The following ZMYM5 variants were observed in gnomAD, a reference collection of about 807,000 sequenced individuals.
ZMYM5 encodes zinc finger MYM-type containing 5, also known as zinc finger MYM-type protein 5.
Under a neutral mutation model 61.8 loss-of-function variants are expected in ZMYM5, and 41 were observed. The ratio of observed to expected loss-of-function variants is 0.66; its 90% CI spans 0.52 to 0.86. The LOEUF is 0.86. Among genes scored for constraint, ZMYM5 ranks in the 40% least tolerant of loss-of-function variants. The pLI is 0.00. For missense variants in ZMYM5, 706 were observed against 786.7 expected (o/e 0.90, Z 1.23); for synonymous variants, 257 against 276.4 (o/e 0.93, Z 0.70).
At chr13:19,838,321 T>G (rs1463575259) in intron 5 of ZMYM5, among the ~76,000 whole-genome samples, 2 of 152,180 alleles carry the variant, frequency 1.3e-5, no homozygotes, top group Non-Finnish European at 2.9e-5. Context: ...GAAGTTGCAG[T>G]GAGTGGAAAT....
At chr13:19,856,510 C>T (rs1953516495) in intron 2 of ZMYM5, among the ~76,000 whole-genome samples, 1 of 151,848 alleles carries the variant, frequency 6.6e-6, no homozygotes, top group South Asian at 2.1e-4. Flanking sequence ...CGTGGTGATG[C>T]ATGCCCGTAA....
intron 2 of ZMYM5, among the ~76,000 whole-genome samples, chr13:19,857,165 G>A (rs538999458): frequency 4.0e-4 from 61 of 152,318 alleles, no homozygotes; most frequent in African/African-American, 1.3e-3. Context: ...AAGGTATTTA[G>A]GCAAATACTA....
intron 7 of ZMYM5, among the ~76,000 whole-genome samples, chr13:19,830,740 G>T (rs1356139964): frequency 1.3e-5 from 2 of 152,004 alleles, no homozygotes; most frequent in African/African-American, 2.4e-5. Flanking sequence ...TGCCCAGGCT[G>T]GTCTCAAACT....
intron 2 of ZMYM5, among the ~76,000 whole-genome samples, chr13:19,862,113 T>C (rs762209175): frequency 2.6e-5 from 4 of 152,140 alleles, no homozygotes; most frequent in Admixed American, 6.6e-5. Context: ...GTTTTTCCAA[T>C]CTACTGGAAA....
chr13:19,839,538 A>AT lies in ZMYM5; in HGVS notation c.587-554dup, dbSNP rs980432962. Among the ~76,000 whole-genome samples the AT allele has an allele frequency of 1.6e-3, 240 of 150,954 alleles. 5 individuals are homozygous for AT. The highest frequency in any genetic ancestry group is 0.015 in the Admixed American group (225 of 15,078). On this transcript the variant is annotated intron_variant, in intron 4 of 7. Coordinates refer to ENST00000337963, the MANE Select transcript of ZMYM5 (RefSeq NM_001142684.2). ...CGAGTAGCTGGGATTACCCAGCTAA[A>AT]TTTTTTTTTCTATTTTTAGTAGAGA...
chr13:19,836,448 C>CT (rs1008828289), intron 6 of ZMYM5, among the ~76,000 whole-genome samples: 6 of 151,338 alleles, frequency 4.0e-5, no homozygotes, highest in Non-Finnish European at 7.4e-5. Context: ...GGTCAACAAT[C>CT]TTTTTTTTTC....
chr13:19,835,362 T>C (rs528235054), intron 7 of ZMYM5, 115 bp downstream of exon 7: 2 of 764,174 alleles, frequency 2.6e-6, no homozygotes, highest in Admixed American at 3.0e-5. Context: ...GACAAACCAA[T>C]GACAGAATGG....
chr13:19,855,068 T>C (rs550634478), intron 2 of ZMYM5, among the ~76,000 whole-genome samples: 152 of 152,216 alleles, frequency 1.0e-3, no homozygotes, highest in Non-Finnish European at 1.0e-4. Flanking sequence ...ATGAAAAAGA[T>C]TGGGGGCCAG....
intron 6 of ZMYM5, chr13:19,837,418 T>G (rs1172928760): frequency 1.3e-6 from 2 of 1,509,486 alleles, no homozygotes; most frequent in Non-Finnish European, 1.8e-6. Context: ...ACAATTGCCT[T>G]GTTTATGAGC....
chr13:19,845,868 G>C (rs1457096225), intron 4 of ZMYM5, among the ~76,000 whole-genome samples: 8 of 152,098 alleles, frequency 5.3e-5, no homozygotes, highest in African/African-American at 1.9e-4. Context: ...ATCTAGAGTA[G>C]TTTTATTTGG....
At chr13:19,853,446 C>T (rs56260004) in intron 2 of ZMYM5, among the ~76,000 whole-genome samples, 3,703 of 151,910 alleles carry the variant, frequency 0.024, 70 homozygotes, top group East Asian at 0.045. Context: ...ACATGCTGGC[C>T]TCAATTTTCA....
At chr13:19,833,349 T>C (rs74420296) in intron 7 of ZMYM5, among the ~76,000 whole-genome samples, 1 of 152,196 alleles carries the variant, frequency 6.6e-6, no homozygotes, top group Non-Finnish European at 1.5e-5. Flanking sequence ...CTCATTTATT[T>C]CCACACAAAC....
At chr13:19,852,306 A>G in intron 2 of ZMYM5, 116 bp from the exon 3 acceptor site, 8 of 1,146,380 alleles carry the variant, frequency 7.0e-6, no homozygotes, top group Non-Finnish European at 9.5e-6. Flanking sequence ...CCTGATATCC[A>G]TTTTGTTTTT....
chr13:19,860,843 AAT>A (rs1436002591), intron 2 of ZMYM5, among the ~76,000 whole-genome samples: 1 of 151,444 alleles, frequency 6.6e-6, no homozygotes, highest in Non-Finnish European at 1.5e-5. Context: ...AATCTCAAGA[AAT>A]AAAGGAAAAA....
chr13:19,842,656 A>T (rs1035619734), intron 4 of ZMYM5, among the ~76,000 whole-genome samples: 7 of 138,188 alleles, frequency 5.1e-5, no homozygotes, highest in African/African-American at 1.6e-4. Context: ...TTTTTTAATT[A>T]AAAAAAAAAA....
chr13:19,849,852 ACG>A (rs1222088062), intron 4 of ZMYM5, among the ~76,000 whole-genome samples: 4 of 151,938 alleles, frequency 2.6e-5, no homozygotes, highest in Non-Finnish European at 5.9e-5. Flanking sequence ...GTGATGGCAC[ACG>A]CCTGCAATCC....
rs1953328641 is a variant in ZMYM5, at chr13:19,852,083, T to TA, written c.97_98insT (p.Asp33ValfsTer13). 3.0e-5 allele frequency: 49 copies of TA among 1,613,888 alleles called. No homozygotes were observed. The Middle Eastern group carries it at 6.8e-3, about 223-fold the overall frequency. On this transcript the variant is annotated frameshift_variant, in exon 3 of 8. Coordinates refer to ENST00000337963, the MANE Select transcript of ZMYM5 (RefSeq NM_001142684.2). LOFTEE classifies it high-confidence loss of function. ...AGGACAAGCTGGATGACCAAATGAATCCCCTATGTCCATGAGACTAGTTGC... is the reference window on the plus strand; with the variant it reads ...AGGACAAGCTGGATGACCAAATGAATACCCCTATGTCCATGAGACTAGTTGC...
At chr13:19,828,390 C>T (rs1891025712) in intron 7 of ZMYM5, among the ~76,000 whole-genome samples, 1 of 152,060 alleles carries the variant, frequency 6.6e-6, no homozygotes, top group Admixed American at 6.6e-5. Flanking sequence ...AGGAGAATCG[C>T]TTGAACCTGG....
chr13:19,836,207 T>C (rs1443429904), intron 6 of ZMYM5, among the ~76,000 whole-genome samples: 2 of 152,128 alleles, frequency 1.3e-5, no homozygotes, highest in Non-Finnish European at 2.9e-5. Context: ...ACAAGATTCA[T>C]AGGAAAGCAA....
Sources: gnomAD v4.1 joint callset for allele counts (sites outside exome capture counted in the v4.1 genomes callset) on GRCh38, gnomAD v4.1.1 for gene constraint, MANE v1.5 for transcripts, NCBI Gene and HGNC (gene_info 2026-07-23, HGNC 2026-07-21) for gene names.